L3MBTL4: variants seen among roughly 807,000 people sequenced by gnomAD.
L3MBTL4 encodes the protein L3MBTL histone methyl-lysine binding protein 4, also known as lethal(3)malignant brain tumor-like protein 4.
In L3MBTL4, 70 loss-of-function variants were observed where a neutral mutation model predicts 84.5. The observed-to-expected ratio is 0.83, with a 90% confidence interval of 0.68 to 1.01. The LOEUF (loss-of-function observed/expected upper bound fraction) is 1.01. Ranked by LOEUF, L3MBTL4 falls within the 50% of genes least tolerant of loss-of-function variation. The pLI is 0.00. For synonymous variants in L3MBTL4, 274 were observed against 259.8 expected (o/e 1.05, Z -0.52); for missense variants, 715 against 754.8 (o/e 0.95, Z 0.62).
intron 10 of L3MBTL4, among the ~76,000 whole-genome samples, chr18:6,224,930 G>A (rs1458140759): frequency 1.5e-4 from 22 of 143,858 alleles, no homozygotes; most frequent in African/African-American, 4.3e-4. Context: ...AAGGAAATTC[G>A]AAAAAAAAAA....
At chr18:5,994,206 C>G (rs938781522) in intron 16 of L3MBTL4, among the ~76,000 whole-genome samples, 5 of 152,230 alleles carry the variant, frequency 3.3e-5, no homozygotes, top group African/African-American at 1.2e-4. Context: ...AGGGCATCCC[C>G]TGTCACCAAA....
At chr18:6,307,236 T>C (rs1027446496) in intron 3 of L3MBTL4, among the ~76,000 whole-genome samples, 3 of 151,586 alleles carry the variant, frequency 2.0e-5, no homozygotes, top group African/African-American at 4.9e-5. Context: ...ATTGAGACCA[T>C]GCTGGCCAAC....
chr18:6,174,904 T>C (rs1245646958), intron 12 of L3MBTL4, among the ~76,000 whole-genome samples: 1 of 145,636 alleles, frequency 6.9e-6, no homozygotes, highest in Non-Finnish European at 1.5e-5. Context: ...ATTTAAATAA[T>C]AAATAGAGCC....
intron 12 of L3MBTL4, among the ~76,000 whole-genome samples, chr18:6,196,116 A>G (rs1404578591): frequency 6.8e-6 from 1 of 146,602 alleles, no homozygotes; most frequent in Non-Finnish European, 1.5e-5. Context: ...CTTCCCCACA[A>G]CTCCAAGAAA....
intron 3 of L3MBTL4, among the ~76,000 whole-genome samples, chr18:6,302,444 A>G (rs1599552202): frequency 1.3e-5 from 2 of 152,340 alleles, no homozygotes; most frequent in Middle Eastern, 3.4e-3. Flanking sequence ...CCTGAAAAGA[A>G]ACCATGAATT....
chr18:6,264,335 C>A (rs1336324439), intron 4 of L3MBTL4, among the ~76,000 whole-genome samples: 1 of 152,200 alleles, frequency 6.6e-6, no homozygotes, highest in African/African-American at 2.4e-5. Context: ...AGAGGGTGAA[C>A]AGGCACAGGC....
intron 16 of L3MBTL4, chr18:6,030,235 G>T (rs578151006): frequency 8.6e-6 from 8 of 927,678 alleles, no homozygotes; most frequent in Non-Finnish European, 1.0e-5. Flanking sequence ...TGAAGGCTGA[G>T]GATCAGGTTC....
intron 16 of L3MBTL4, among the ~76,000 whole-genome samples, chr18:6,001,327 A>T (rs1415379169): frequency 6.6e-6 from 1 of 152,230 alleles, no homozygotes; most frequent in East Asian, 1.9e-4. Flanking sequence ...ATTTAAAAGC[A>T]ATAACATATA....
chr18:6,151,658 G>C (rs1005850126), intron 13 of L3MBTL4, among the ~76,000 whole-genome samples: 3 of 152,170 alleles, frequency 2.0e-5, no homozygotes, highest in Non-Finnish European at 4.4e-5. Flanking sequence ...ACCTCCCAAA[G>C]TGCTGGGATT....
chr18:6,145,439 C>T (rs2042606528), intron 13 of L3MBTL4, among the ~76,000 whole-genome samples: 1 of 151,772 alleles, frequency 6.6e-6, no homozygotes, highest in Admixed American at 6.6e-5. Context: ...ATGGTCTACT[C>T]ATTTAAATAT....
Position 6,102,861 on chromosome 18 carries a change from A to G in L3MBTL4, c.1200-9333T>C, listed in dbSNP as rs1260447125. On this transcript the variant is annotated intron_variant, in intron 14 of 18. Transcript: ENST00000317931. ...CTTTAATTGGGCTGGCACATTATCT[A>G]TGCTGTTTGTTATAGGTAATAGTTT... Among the ~76,000 whole-genome samples the G allele has an allele frequency of 5.3e-5, 8 of 152,208 alleles. No individual in the cohort carries two copies. In the East Asian group the frequency reaches 7.7e-4, roughly 15 times the overall value.
At chr18:6,048,939 C>T (rs1358754450) in intron 16 of L3MBTL4, among the ~76,000 whole-genome samples, 1 of 152,104 alleles carries the variant, frequency 6.6e-6, no homozygotes, top group Non-Finnish European at 1.5e-5. Flanking sequence ...CAGAATGAAA[C>T]TAGACCACTA....
chr18:6,138,192 A>G lies in L3MBTL4; in HGVS notation c.1199+2T>C, dbSNP rs2060085255. On this transcript the variant is annotated splice_donor_variant, in intron 14 of 18. Transcript: ENST00000317931. LOFTEE classifies it high-confidence loss of function. The stretch of plus-strand genomic sequence containing the variant: ...AAATAACTTAAATAAGAAAAATGTT[A>G]CCTGTGATGTCCCGAATAACGTGGA... The G allele has an allele frequency of 3.8e-6, 6 of 1,596,394 alleles. No individual in the cohort carries two copies. The highest frequency in any genetic ancestry group is 5.1e-6 in the Non-Finnish European group (6 of 1,165,926).
At chr18:6,081,236 T>A (rs2058068967) in intron 15 of L3MBTL4, 1 of 262,798 alleles carries the variant, frequency 3.8e-6, no homozygotes, top group Non-Finnish European at 7.2e-6. Flanking sequence ...CTTCAGATTC[T>A]AAGGAGGAGC....
At chr18:6,295,346 C>A (rs2347961) in intron 4 of L3MBTL4, among the ~76,000 whole-genome samples, 7,866 of 80,456 alleles carry the variant, frequency 0.098, 440 homozygotes, top group African/African-American at 0.11. Flanking sequence ...CTCTCTCTCT[C>A]TATATATATA....
At chr18:6,336,559 C>T (rs2052350140) in intron 1 of L3MBTL4, among the ~76,000 whole-genome samples, 2 of 152,194 alleles carry the variant, frequency 1.3e-5, no homozygotes, top group Admixed American at 1.3e-4. Flanking sequence ...CAACAGAATT[C>T]TCAGTAAATT....
At chr18:6,071,326 G>A (rs969608212) in intron 16 of L3MBTL4, among the ~76,000 whole-genome samples, 27 of 151,632 alleles carry the variant, frequency 1.8e-4, no homozygotes, top group African/African-American at 6.5e-4. Context: ...AGGAGGTGGA[G>A]GTTGCAGGAA....
At chr18:6,242,166 G>A (rs1238715497) in intron 7 of L3MBTL4, among the ~76,000 whole-genome samples, 4 of 152,040 alleles carry the variant, frequency 2.6e-5, no homozygotes, top group Non-Finnish European at 4.4e-5. Context: ...CACCCTCTTC[G>A]TCCCCGACCT....
At chr18:6,120,975 A>G (rs1399076273) in intron 14 of L3MBTL4, among the ~76,000 whole-genome samples, 4 of 152,200 alleles carry the variant, frequency 2.6e-5, no homozygotes, top group African/African-American at 9.7e-5. Flanking sequence ...TCTTGGACAT[A>G]TGACTAGGAA....
Sources: gnomAD v4.1 joint callset for allele counts (sites outside exome capture counted in the v4.1 genomes callset) on GRCh38, gnomAD v4.1.1 for gene constraint, MANE v1.5 for transcripts, NCBI Gene and HGNC (gene_info 2026-07-23, HGNC 2026-07-21) for gene names.